ARMH4: variants seen among roughly 807,000 people sequenced by gnomAD.
ARMH4 encodes armadillo like helical domain containing 4, also known as armadillo-like helical domain-containing protein 4.
A neutral mutation model predicts 61.9 loss-of-function variants in ARMH4; 49 were observed. The observed-to-expected ratio is 0.79, with a 90% CI of 0.63 to 1.00. The LOEUF (loss-of-function observed/expected upper bound fraction) is 1.00. Among genes scored for constraint, ARMH4 ranks in the 50% least tolerant of loss-of-function variants. The probability of loss-of-function intolerance (pLI) is 0.00; values close to 1 mark genes in which losing one functional copy is unlikely to be tolerated. For synonymous variants in ARMH4, 368 were observed against 341.5 expected (o/e 1.08, Z -0.85); for missense variants, 934 against 930.0 (o/e 1.00, Z -0.06).
intron 5 of ARMH4, among the ~76,000 whole-genome samples, chr14:58,015,752 G>GT (rs1257418660): frequency 7.0e-4 from 85 of 121,692 alleles, no homozygotes; most frequent in Non-Finnish European, 1.2e-3. Flanking sequence ...AATATTTTTA[G>GT]TTAAAAAAAA....
Position 58,005,048 on chromosome 14 carries a change from C to T in ARMH4, c.2256G>A (p.Lys752=). 1 of 1,613,902 alleles carries T rather than the reference C, an allele frequency of 6.2e-7. No homozygotes were observed. Among genetic ancestry groups the T allele is most frequent in the Non-Finnish European group, 8.5e-7 (1 of 1,179,898 alleles). Residue 752 remains lysine (K), a splice_region_variant and synonymous_variant, in exon 7 of 8, where the codon AAG becomes AAA. Coordinates refer to ENST00000267485, the MANE Select transcript of ARMH4 (RefSeq NM_001001872.4). ...RRNGFKRHKR[K]QREFNSMQDR... ...GGTTTTGCTGTTGTTGGTTCCATAC[C>T]TTTCTTTTATGCCTTTTGAAGCCAT...
chr14:58,111,448 TTG>T (rs753968073), intron 4 of ARMH4, among the ~76,000 whole-genome samples: 3 of 152,190 alleles, frequency 2.0e-5, no homozygotes, highest in Non-Finnish European at 2.9e-5. Context: ...GACAACTTGA[TTG>T]TGTTAGTAAG....
chr14:58,035,909 T>C (rs1277410744), intron 5 of ARMH4, among the ~76,000 whole-genome samples: 2 of 137,030 alleles, frequency 1.5e-5, no homozygotes, highest in Admixed American at 7.0e-5. Context: ...CAATAATCAA[T>C]AGTTTACCAA....
chr14:58,097,086 C>G, intron 4 of ARMH4, 105 bp from the exon 5 acceptor site: 1 of 1,238,322 alleles, frequency 8.1e-7, no homozygotes, highest in Non-Finnish European at 1.1e-6. Context: ...ATTGTTTGGC[C>G]TTTTGAAACA....
Position 58,074,764 on chromosome 14 carries a change from T to A in ARMH4, c.2089+21960A>T, listed in dbSNP as rs116617018. On this transcript the variant is annotated intron_variant, in intron 5 of 7. Coordinates refer to ENST00000267485, the MANE Select transcript of ARMH4 (RefSeq NM_001001872.4). ...ATTAGGAAGTGAAGAGTTTTGAGCATATGAAAATATTGTAATATAATTTAT... is the reference window on the plus strand; with the variant it reads ...ATTAGGAAGTGAAGAGTTTTGAGCAAATGAAAATATTGTAATATAATTTAT... Among the ~76,000 whole-genome samples the A allele has an allele frequency of 5.2e-3, 797 of 152,336 alleles. 9 individuals are homozygous for A. The highest frequency in any genetic ancestry group is 0.018 in the African/African-American group (754 of 41,578).
Position 58,139,156 on chromosome 14 carries a change from A to C in ARMH4, c.203T>G (p.Leu68Arg). 1 of 1,614,194 alleles carries C rather than the reference A, an allele frequency of 6.2e-7. No homozygotes were observed. Residue 68 changes from leucine to arginine, a missense_variant, in exon 2 of 8, where the codon CTG becomes CGG. Leu to Arg is a moderately radical substitution (Grantham distance 102). Transcript: ENST00000267485. ...SSVTSKQTPQLVVSEDPMMMS... is the reference protein window; with the variant it reads ...SSVTSKQTPQRVVSEDPMMMS... ...CATCATTGGATCTTCAGAGACCACC[A>C]GTTGGGGAGTCTGCTTTGAGGTAAC...
chr14:58,132,181 A>G (rs1280261343), intron 3 of ARMH4, among the ~76,000 whole-genome samples: 1 of 152,216 alleles, frequency 6.6e-6, no homozygotes, highest in African/African-American at 2.4e-5. Context: ...ATATAGCCCC[A>G]GGAATTCCCA....
At chr14:58,142,917 G>A (rs1887612521) in intron 1 of ARMH4, among the ~76,000 whole-genome samples, 1 of 152,026 alleles carries the variant, frequency 6.6e-6, no homozygotes, top group African/African-American at 2.4e-5. Flanking sequence ...TTCTACGTGA[G>A]AAAAAAGGAA....
At chr14:58,012,096 A>G (rs1187380577) in intron 6 of ARMH4, 23 bp downstream of exon 6, 3 of 1,460,646 alleles carry the variant, frequency 2.1e-6, no homozygotes, top group African/African-American at 1.4e-5. Flanking sequence ...AAATAAACCA[A>G]TGGAAGAAAA....
At chr14:58,068,652 G>T (rs866963556) in intron 5 of ARMH4, among the ~76,000 whole-genome samples, 8 of 152,258 alleles carry the variant, frequency 5.3e-5, no homozygotes, top group Non-Finnish European at 8.8e-5. Context: ...CCAGGAAAGT[G>T]TTCCAACTCT....
intron 5 of ARMH4, among the ~76,000 whole-genome samples, chr14:58,094,845 C>T (rs1294324051): frequency 1.3e-5 from 2 of 152,162 alleles, no homozygotes; most frequent in East Asian, 3.9e-4. Flanking sequence ...GATGGAAATG[C>T]TCTGCGGCAT....
At chr14:58,087,837 G>GACTGTAACCAATATCTAGA (rs1268919768) in intron 5 of ARMH4, among the ~76,000 whole-genome samples, 1 of 152,148 alleles carries the variant, frequency 6.6e-6, no homozygotes. Context: ...ACAAGAATTT[G>GACTGTAACCAATATCTAGA]ACTGTAACCA....
chr14:58,125,587 C>T (rs1192220169), intron 4 of ARMH4, among the ~76,000 whole-genome samples: 1 of 152,212 alleles, frequency 6.6e-6, no homozygotes, highest in African/African-American at 2.4e-5. Context: ...TGTAAAACTA[C>T]CAATCGTTCT....
chr14:58,070,067 C>A (rs1884835032), intron 5 of ARMH4, among the ~76,000 whole-genome samples: 1 of 152,112 alleles, frequency 6.6e-6, no homozygotes, highest in Non-Finnish European at 1.5e-5. Flanking sequence ...AACAGTCACT[C>A]TTAGGAGACA....
At chr14:58,151,717 G>A (rs1887930484) in intron 1 of ARMH4, among the ~76,000 whole-genome samples, 1 of 152,222 alleles carries the variant, frequency 6.6e-6, no homozygotes, top group African/African-American at 2.4e-5. Context: ...AGCGGAGGGA[G>A]AAAGAGAAAG....
chr14:58,090,653 C>T (rs537094226), intron 5 of ARMH4, among the ~76,000 whole-genome samples: 46 of 151,648 alleles, frequency 3.0e-4, no homozygotes, highest in African/African-American at 9.4e-4. Context: ...CCAAGGCAGA[C>T]GGATCACTTG....
chr14:58,050,968 G>A (rs1418677465), intron 5 of ARMH4, among the ~76,000 whole-genome samples: 1 of 151,806 alleles, frequency 6.6e-6, no homozygotes, highest in East Asian at 1.9e-4. Context: ...TCGGATGAAA[G>A]ACATTATTTA....
At chr14:58,008,471 TTTTG>T (rs150993693) in intron 6 of ARMH4, among the ~76,000 whole-genome samples, 4,687 of 152,318 alleles carry the variant, frequency 0.031, 90 homozygotes, top group Middle Eastern at 0.075. Context: ...GGTTTTGAAG[TTTTG>T]TTTGTTTGAA....
chr14:58,046,713 C>G (rs1170200686), intron 5 of ARMH4, among the ~76,000 whole-genome samples: 1 of 152,202 alleles, frequency 6.6e-6, no homozygotes, highest in Non-Finnish European at 1.5e-5. Flanking sequence ...TAGCACAATT[C>G]ATATACTGGC....
Sources: allele counts gnomAD v4.1 joint callset (sites outside exome capture counted in the v4.1 genomes callset), GRCh38; gene constraint gnomAD v4.1.1; transcripts MANE v1.5; gene names NCBI Gene and HGNC (gene_info 2026-07-23, HGNC 2026-07-21).